The following LPGAT1 variants were observed in gnomAD, a reference collection of about 807,000 sequenced individuals.
LPGAT1 encodes the protein lysophosphatidylglycerol acyltransferase 1.
In LPGAT1, 11 loss-of-function variants were observed where a neutral mutation model predicts 47.5. The ratio of observed to expected loss-of-function variants is 0.23; its 90% CI spans 0.15 to 0.38. LPGAT1 has a LOEUF of 0.38. Among genes scored for constraint, LPGAT1 ranks in the 10% least tolerant of loss-of-function variants. The probability of loss-of-function intolerance (pLI) is 1.00; values close to 1 mark genes in which losing one functional copy is unlikely to be tolerated. For missense variants in LPGAT1, 293 were observed against 439.0 expected, an observed-to-expected ratio of 0.67 and a Z score of 2.97; for synonymous variants, 138 against 144.2, an observed-to-expected ratio of 0.96 and a Z score of 0.31.
At chr1:211,751,107 T>G in intron 6 of LPGAT1, 40 bp from the exon 7 acceptor site, 1 of 1,321,012 alleles carries the variant, frequency 7.6e-7, no homozygotes, top group South Asian at 1.3e-5. Context: ...ACTATTTAGT[T>G]CAGAAGTCAA....
chr1:211,804,716 C>A (rs934366253), intron 2 of LPGAT1, among the ~76,000 whole-genome samples: 2 of 152,152 alleles, frequency 1.3e-5, no homozygotes, highest in Admixed American at 1.3e-4. Context: ...TTAGTTAGTT[C>A]TCTAATGTTG....
Position 211,749,126 on chromosome 1 carries a change from T to G in LPGAT1, c.*773A>C, listed in dbSNP as rs190168547. On this transcript the variant is annotated 3_prime_UTR_variant, in exon 8 of 8. Transcript: ENST00000366997. ...ACACACTGCTATGCTCCCATTTGTT[T>G]TCAGGCTATATTACTAATCCTTTGC... The G allele has an allele frequency of 1.6e-4, 25 of 152,784 alleles. No homozygotes were observed. The East Asian group carries it at 4.8e-3, about 29-fold the overall frequency. The allele number at this position is 152,784 out of a possible 1,614,324, so 9.5% of individuals were successfully genotyped here. A position where few individuals can be genotyped will look rare whatever the true frequency, so the allele number is the denominator to read the frequency against.
At chr1:211,826,513 T>C (rs1295992341) in intron 2 of LPGAT1, among the ~76,000 whole-genome samples, 2 of 152,162 alleles carry the variant, frequency 1.3e-5, no homozygotes, top group African/African-American at 4.8e-5. Context: ...AAATGCTAAA[T>C]TTTATTTCAT....
At chr1:211,812,273 C>A (rs1660016711) in intron 2 of LPGAT1, among the ~76,000 whole-genome samples, 1 of 151,986 alleles carries the variant, frequency 6.6e-6, no homozygotes, top group Non-Finnish European at 1.5e-5. Context: ...TCTAAGGGAA[C>A]CAGAGAAATT....
intron 6 of LPGAT1, among the ~76,000 whole-genome samples, chr1:211,765,544 G>A (rs1015200527): frequency 3.3e-5 from 5 of 152,038 alleles, no homozygotes; most frequent in Non-Finnish European, 5.9e-5. Context: ...GAAAATAAGA[G>A]GTATTTTTGG....
chr1:211,806,764 A>C (rs1207262499), intron 2 of LPGAT1, among the ~76,000 whole-genome samples: 3 of 152,144 alleles, frequency 2.0e-5, no homozygotes, highest in Non-Finnish European at 4.4e-5. Flanking sequence ...CATCATAAAA[A>C]CTCTCAGCAA....
At position 211,809,323 on chromosome 1, in the gene LPGAT1, G is replaced by A. The variant is rs184243941; in HGVS notation, c.239-16133C>T. ...TCCACCTGTACAAAATCCCCAACTTGCTCAAAGGTTTCTTGTCTCACCCTT... is the reference window on the plus strand; with the variant it reads ...TCCACCTGTACAAAATCCCCAACTTACTCAAAGGTTTCTTGTCTCACCCTT... On this transcript the variant is annotated intron_variant, in intron 2 of 7. Transcript: ENST00000366997. Among the ~76,000 whole-genome samples the A allele has an allele frequency of 1.7e-4, 26 of 152,122 alleles. No homozygotes were observed. In the East Asian group the frequency reaches 4.8e-3, roughly 28 times the overall value.
intron 2 of LPGAT1, among the ~76,000 whole-genome samples, chr1:211,803,426 T>C (rs888749294): frequency 7.2e-5 from 11 of 152,132 alleles, no homozygotes; most frequent in Admixed American, 3.3e-4. Context: ...CCAGTCCAAA[T>C]TGGAGCAAGT....
chr1:211,762,530 G>A (rs1657740804), intron 6 of LPGAT1, among the ~76,000 whole-genome samples: 1 of 152,162 alleles, frequency 6.6e-6, no homozygotes, highest in Non-Finnish European at 1.5e-5. Flanking sequence ...CCCTAATATG[G>A]CAAAGGATTA....
chr1:211,808,371 T>C (rs1659843230), intron 2 of LPGAT1, among the ~76,000 whole-genome samples: 1 of 144,692 alleles, frequency 6.9e-6, no homozygotes, highest in Non-Finnish European at 1.5e-5. Context: ...AAAAAACCTC[T>C]CAAAACTCAG....
chr1:211,791,319 A>G (rs996386819), intron 3 of LPGAT1, among the ~76,000 whole-genome samples: 7 of 152,240 alleles, frequency 4.6e-5, no homozygotes, highest in Admixed American at 3.9e-4. Context: ...TCATTAAGAA[A>G]GAAGTCCTTG....
intron 3 of LPGAT1, among the ~76,000 whole-genome samples, chr1:211,792,783 C>G (rs1659182634): frequency 7.5e-6 from 1 of 133,904 alleles, no homozygotes; most frequent in Admixed American, 8.7e-5. Flanking sequence ...GTGATCTCGG[C>G]TCACTGCAAT....
In LPGAT1 at chr1:211,787,169, G is replaced by A. The variant is rs561647217; in HGVS notation, c.453+463C>T. 3.3e-5 allele frequency among the ~76,000 whole-genome samples: 5 copies of A among 152,240 alleles called. No individual in the cohort carries two copies. In the South Asian group the frequency reaches 8.3e-4, roughly 25 times the overall value. On this transcript the variant is annotated intron_variant, in intron 4 of 7. Coordinates refer to ENST00000366997, the MANE Select transcript of LPGAT1 (RefSeq NM_014873.3). ...TACTCAAATTTAGATTGAAATAAAT[G>A]GTTAGGGAACAAAGATTCCGAGAAA...
chr1:211,795,762 TACAAACAC>T (rs1659327590), intron 2 of LPGAT1, among the ~76,000 whole-genome samples: 2 of 152,236 alleles, frequency 1.3e-5, no homozygotes, highest in Admixed American at 6.5e-5. Flanking sequence ...CACACGGACA[TACAAACAC>T]ACAAACACAC....
chr1:211,802,516 T>C (rs1443963106), intron 2 of LPGAT1, among the ~76,000 whole-genome samples: 1 of 148,794 alleles, frequency 6.7e-6, no homozygotes. Flanking sequence ...GAGACAAGAA[T>C]AAGAAAAAAA....
chr1:211,799,978 T>A (rs1270056992), intron 2 of LPGAT1, among the ~76,000 whole-genome samples: 1 of 152,120 alleles, frequency 6.6e-6, no homozygotes, highest in East Asian at 1.9e-4. Flanking sequence ...TCCAGTGGAC[T>A]CTACCTTCAA....
At chr1:211,750,215 C>T (rs531570422) in intron 7 of LPGAT1, among the ~76,000 whole-genome samples, 165 bp from the exon 8 acceptor site, 1 of 152,316 alleles carries the variant, frequency 6.6e-6, no homozygotes, top group Non-Finnish European at 1.5e-5. Context: ...TTCTGTACTA[C>T]CTAGCCCCTT....
At chr1:211,778,672 T>C (rs756588654) in intron 6 of LPGAT1, among the ~76,000 whole-genome samples, 2 of 152,222 alleles carry the variant, frequency 1.3e-5, no homozygotes, top group African/African-American at 4.8e-5. Flanking sequence ...CCCTTTGAGT[T>C]AACTTTTACT....
intron 3 of LPGAT1, among the ~76,000 whole-genome samples, chr1:211,790,691 A>C (rs1044219682): frequency 1.3e-5 from 2 of 152,206 alleles, no homozygotes; most frequent in Admixed American, 1.3e-4. Flanking sequence ...AAATGAACCT[A>C]GCCTAACTAA....
Sources: allele counts gnomAD v4.1 joint callset (sites outside exome capture counted in the v4.1 genomes callset), GRCh38; gene constraint gnomAD v4.1.1; transcripts MANE v1.5; gene names NCBI Gene and HGNC (gene_info 2026-07-23, HGNC 2026-07-21).